The following TMC1 variants were observed in gnomAD, a reference collection of about 807,000 sequenced individuals.
TMC1 encodes the protein transmembrane channel-like protein 1.
A neutral mutation model predicts 105.8 loss-of-function variants in TMC1; 84 were observed. That is an observed-to-expected ratio of 0.79 (90% CI 0.67 to 0.95). The LOEUF (loss-of-function observed/expected upper bound fraction) is 0.95. Among genes scored for constraint, TMC1 ranks in the 40% least tolerant of loss-of-function variants. The pLI, the probability that TMC1 is intolerant of heterozygous loss-of-function variation, is 0.00. For missense variants in TMC1, 817 were observed against 914.1 expected, an observed-to-expected ratio of 0.89 and a Z score of 1.37; for synonymous variants, 315 against 311.5, an observed-to-expected ratio of 1.01 and a Z score of -0.12.
chr9:72,780,852 AC>A (rs1281307094), intron 13 of TMC1, among the ~76,000 whole-genome samples: 1 of 152,196 alleles, frequency 6.6e-6, no homozygotes, highest in Non-Finnish European at 1.5e-5. Flanking sequence ...GACTTAGATA[AC>A]TACACAATAA....
intron 5 of TMC1, among the ~76,000 whole-genome samples, chr9:72,675,462 T>C (rs934323542): frequency 6.6e-6 from 1 of 152,126 alleles, no homozygotes; most frequent in African/African-American, 2.4e-5. Flanking sequence ...AAAAGGATAA[T>C]GGTGAATTAA....
chr9:72,706,278 T>C (rs1217244519), intron 8 of TMC1, among the ~76,000 whole-genome samples: 1 of 152,212 alleles, frequency 6.6e-6, no homozygotes, highest in Non-Finnish European at 1.5e-5. Flanking sequence ...TTAGTTTTTC[T>C]CTCATCTGTC....
rs544496883 is a variant in TMC1, at chr9:72,603,865, T to G, written c.-305-12503T>G. On this transcript the variant is annotated intron_variant, in intron 2 of 23. Coordinates refer to ENST00000297784, the MANE Select transcript of TMC1 (RefSeq NM_138691.3). ...GACCGGCTGTTTTTTTTTTTTTTTT[T>G]TTTTTTTTTTTCTTTTTTGAGACGG... Among the ~76,000 whole-genome samples the G allele has an allele frequency of 4.8e-3, 693 of 145,164 alleles. 10 individuals carry two copies. The highest frequency in any genetic ancestry group is 0.017 in the African/African-American group (651 of 38,796).
intron 3 of TMC1, among the ~76,000 whole-genome samples, chr9:72,625,078 C>CT (rs1364490077): frequency 6.6e-6 from 1 of 152,150 alleles, no homozygotes; most frequent in African/African-American, 2.4e-5. Context: ...GAGGTGATGT[C>CT]TTTGTCTCCT....
chr9:72,788,389 A>G lies in TMC1; in HGVS notation c.935A>G (p.Asn312Ser), dbSNP rs753426697. Residue 312 changes from asparagine (N) to serine (S), a missense_variant, in exon 14 of 24, where the codon AAT becomes AGT. Transcript: ENST00000297784. The part of the protein sequence containing the change: ...DDGGGDDNTF[N>S]FSWKVFTSWD... ...GGAGGTGGAGATGACAACACTTTCA[A>G]TTTCAGCTGGAAGGTCTTTACCAGC... 5.6e-6 allele frequency: 9 copies of G among 1,614,040 alleles called. No individual in the cohort carries two copies. Among genetic ancestry groups the G allele is most frequent in the East Asian group, 2.2e-5 (1 of 44,864 alleles).
chr9:72,745,631 A>G (rs934731816), intron 10 of TMC1, among the ~76,000 whole-genome samples: 1 of 152,106 alleles, frequency 6.6e-6, no homozygotes, highest in African/African-American at 2.4e-5. Flanking sequence ...AAAATATGAA[A>G]CCTATGTAAG....
intron 1 of TMC1, among the ~76,000 whole-genome samples, chr9:72,558,238 A>C (rs1823978590): frequency 6.6e-6 from 1 of 152,116 alleles, no homozygotes; most frequent in Admixed American, 6.6e-5. Flanking sequence ...TTAAATTAAA[A>C]TGCAACACTT....
At chr9:72,768,880 G>A (rs1827880192) in intron 12 of TMC1, among the ~76,000 whole-genome samples, 1 of 152,154 alleles carries the variant, frequency 6.6e-6, no homozygotes, top group South Asian at 2.1e-4. Flanking sequence ...GGTGGGGGGT[G>A]ACCCCCTCTG....
intron 5 of TMC1, among the ~76,000 whole-genome samples, chr9:72,652,039 C>A (rs1489911051): frequency 6.6e-6 from 1 of 152,104 alleles, no homozygotes; most frequent in Non-Finnish European, 1.5e-5. Context: ...GCTTCACTTA[C>A]AATAATAGTC....
chr9:72,536,259 T>C (rs1469348585), intron 1 of TMC1, among the ~76,000 whole-genome samples: 1 of 152,184 alleles, frequency 6.6e-6, no homozygotes, highest in Non-Finnish European at 1.5e-5. Context: ...GAGTAAACAT[T>C]CCCATTTCCC....
At chr9:72,746,055 C>G (rs1304807405) in intron 10 of TMC1, among the ~76,000 whole-genome samples, 1 of 152,152 alleles carries the variant, frequency 6.6e-6, no homozygotes, top group Non-Finnish European at 1.5e-5. Context: ...TAAGAGGGGA[C>G]TATATAATTG....
chr9:72,823,563 G>T (rs1167576720), intron 20 of TMC1, among the ~76,000 whole-genome samples: 1 of 152,178 alleles, frequency 6.6e-6, no homozygotes, highest in African/African-American at 2.4e-5. Context: ...ATTCTAGCTT[G>T]TCTGGTTTTA....
chr9:72,588,951 G>T (rs1266257488), intron 2 of TMC1, among the ~76,000 whole-genome samples: 2 of 152,020 alleles, frequency 1.3e-5, no homozygotes, highest in East Asian at 3.9e-4. Flanking sequence ...TGTACTTTTA[G>T]TAGAGACAGG....
chr9:72,784,323 A>G (rs1828136692), intron 13 of TMC1, among the ~76,000 whole-genome samples: 1 of 152,234 alleles, frequency 6.6e-6, no homozygotes, highest in African/African-American at 2.4e-5. Flanking sequence ...CATATAAAGA[A>G]TTACTCAACA....
At chr9:72,524,169 GT>G (rs1823363161) in intron 1 of TMC1, among the ~76,000 whole-genome samples, 2 of 152,026 alleles carry the variant, frequency 1.3e-5, no homozygotes, top group South Asian at 4.1e-4. Context: ...TAGATATGTC[GT>G]TTTTTTCTTC....
Position 72,648,600 on chromosome 9 carries a change from C to A in TMC1, c.-49C>A. 6.3e-7 allele frequency: 1 copy of A among 1,581,270 alleles called. No homozygotes were observed. The highest frequency in any genetic ancestry group is 1.1e-5 in the South Asian group (1 of 90,406). On this transcript the variant is annotated 5_prime_UTR_variant, in exon 5 of 24. Coordinates refer to ENST00000297784, the MANE Select transcript of TMC1 (RefSeq NM_138691.3). ...TATTTGTTCCTTCATCCTGCAGTCC[C>A]TCTCCAAACTAGCCAGCCACTGAGA...
chr9:72,529,017 T>G (rs1362221112), intron 1 of TMC1, among the ~76,000 whole-genome samples: 1 of 152,130 alleles, frequency 6.6e-6, no homozygotes, highest in Non-Finnish European at 1.5e-5. Flanking sequence ...GCATTCATAT[T>G]GTATTAGGCA....
intron 2 of TMC1, among the ~76,000 whole-genome samples, chr9:72,603,416 CA>C (rs1300244157): frequency 4.9e-5 from 6 of 121,686 alleles, no homozygotes; most frequent in South Asian, 2.4e-4. Context: ...CACACACACA[CA>C]CACACCACAC....
At chr9:72,641,378 C>T (rs1270322919) in intron 4 of TMC1, among the ~76,000 whole-genome samples, 1 of 152,224 alleles carries the variant, frequency 6.6e-6, no homozygotes, top group African/African-American at 2.4e-5. Context: ...CAGGCGTGAG[C>T]CACTACGCCC....
Sources: allele counts gnomAD v4.1 joint callset (sites outside exome capture counted in the v4.1 genomes callset), GRCh38; gene constraint gnomAD v4.1.1; transcripts MANE v1.5; gene names NCBI Gene and HGNC (gene_info 2026-07-23, HGNC 2026-07-21).